ATP6V1E2: variants seen among roughly 807,000 people sequenced by gnomAD.
ATP6V1E2 encodes ATPase H+ transporting V1 subunit E2, also known as V-type proton ATPase subunit E 2.
For synonymous variants in ATP6V1E2, 121 were observed against 104.2 expected, an observed-to-expected ratio of 1.16 and a Z score of -0.98; for missense variants, 308 against 273.3, an observed-to-expected ratio of 1.13 and a Z score of -0.90.
chr2:46,538,562 G>A (rs990478750), intron 2 of ATP6V1E2, among the ~76,000 whole-genome samples: 8 of 152,014 alleles, frequency 5.3e-5, no homozygotes, highest in South Asian at 2.1e-4. Context: ...ACAGGATCTC[G>A]GGGGTGATGC....
chr2:46,527,686 GTTTT>G (rs1302084635), intron 4 of ATP6V1E2, among the ~76,000 whole-genome samples: 5 of 151,930 alleles, frequency 3.3e-5, no homozygotes, highest in Non-Finnish European at 7.4e-5. Flanking sequence ...TGTTGTTGTT[GTTTT>G]TTGTTTTTAA....
At chr2:46,523,305 T>C (rs72875672) in intron 4 of ATP6V1E2, among the ~76,000 whole-genome samples, 10,751 of 152,274 alleles carry the variant, frequency 0.071, 1,079 homozygotes, top group African/African-American at 0.22. Flanking sequence ...CATGAAGTCT[T>C]TGCCCATTCC....
chr2:46,540,525 G>A, intron 2 of ATP6V1E2, among the ~76,000 whole-genome samples: 1 of 150,356 alleles, frequency 6.7e-6, no homozygotes, highest in Non-Finnish European at 1.5e-5. Context: ...CAAATAAAAG[G>A]AGAGAAGCAA....
intron 4 of ATP6V1E2, among the ~76,000 whole-genome samples, chr2:46,533,665 C>T (rs1667300829): frequency 6.6e-6 from 1 of 152,156 alleles, no homozygotes; most frequent in African/African-American, 2.4e-5. Context: ...CTCTTCATTT[C>T]TTTGTGTAGG....
chr2:46,533,739 T>C (rs1299827926), intron 4 of ATP6V1E2, among the ~76,000 whole-genome samples: 1 of 152,230 alleles, frequency 6.6e-6, no homozygotes, highest in Non-Finnish European at 1.5e-5. Flanking sequence ...ATTTCTTGTA[T>C]TGAAGATCTT....
intron 4 of ATP6V1E2, among the ~76,000 whole-genome samples, chr2:46,525,771 GAAGAATT>G (rs1308444934): frequency 6.6e-6 from 1 of 152,138 alleles, no homozygotes; most frequent in Non-Finnish European, 1.5e-5. Flanking sequence ...TAATTTACAT[GAAGAATT>G]CACAACTGAA....
intron 4 of ATP6V1E2, among the ~76,000 whole-genome samples, chr2:46,531,533 G>A (rs1048272382): frequency 1.3e-5 from 2 of 152,092 alleles, no homozygotes; most frequent in Non-Finnish European, 2.9e-5. Flanking sequence ...CAATTCTTTT[G>A]GATATATACC....
intron 4 of ATP6V1E2, among the ~76,000 whole-genome samples, chr2:46,526,261 G>A (rs1304308232): frequency 4.6e-5 from 7 of 152,056 alleles, no homozygotes; most frequent in Admixed American, 6.6e-5. Context: ...GACTACAGGC[G>A]TGCATCACCA....
Position 46,512,649 on chromosome 2 carries a change from C to G in ATP6V1E2, c.63G>C (p.Gln21His), listed in dbSNP as rs1319110257. The G allele has an allele frequency of 6.2e-7, 1 of 1,614,186 alleles. No individual in the cohort carries two copies. Among genetic ancestry groups the G allele is most frequent in the Non-Finnish European group, 8.5e-7 (1 of 1,180,042 alleles). Residue 21 changes from glutamine to histidine, a missense_variant, in exon 5 of 5, where the codon CAG becomes CAC. Physicochemically the swap from Gln to His is conservative, Grantham distance 24 (BLOSUM62 0). Coordinates refer to ENST00000522587, the MANE Select transcript of ATP6V1E2 (RefSeq NM_001318063.2). ...QIKHMMAFIEQEANEKAEEID... is the reference protein window; with the variant it reads ...QIKHMMAFIEHEANEKAEEID... Reference sequence around the variant, plus strand: ...TTTCCTCTGCTTTCTCATTGGCTTCCTGCTCAATGAAAGCCATCATGTGCT... The same window carrying G: ...TTTCCTCTGCTTTCTCATTGGCTTCGTGCTCAATGAAAGCCATCATGTGCT...
Position 46,540,613 on chromosome 2 carries a change from C to CTTTTT in ATP6V1E2, c.-310+772_-310+776dup, listed in dbSNP as rs59810518. 6.9e-4 allele frequency among the ~76,000 whole-genome samples: 80 copies of CTTTTT among 115,644 alleles called. 1 individual carries two copies. The South Asian group carries it at 0.016, about 24-fold the overall frequency. 75.9% of individuals were successfully genotyped at this position (115,644 alleles called of 152,430 possible). On this transcript the variant is annotated intron_variant, in intron 2 of 4. Coordinates refer to ENST00000522587, the MANE Select transcript of ATP6V1E2 (RefSeq NM_001318063.2). Reference sequence around the variant, plus strand: ...TGAAATTTGAGAGCTTTTTCTGTAACTTTTTTTTTTTTTTTTTTTTTTTTT... The same window carrying CTTTTT: ...TGAAATTTGAGAGCTTTTTCTGTAACTTTTTTTTTTTTTTTTTTTTTTTTTTTTTT...
chr2:46,527,049 G>A lies in ATP6V1E2; in HGVS notation c.-102+8764C>T, dbSNP rs189837583. 3.5e-3 allele frequency among the ~76,000 whole-genome samples: 536 copies of A among 152,084 alleles called. 2 individuals carry two copies. The highest frequency in any genetic ancestry group is 4.6e-3 in the Non-Finnish European group (310 of 67,968). ...CTTTGCCAGTACTTGCTGTTTTCTG[G>A]TTTTGTTTTTGTTTTTTTTCTTTCT... On this transcript the variant is annotated intron_variant, in intron 4 of 4. Transcript: ENST00000522587.
intron 2 of ATP6V1E2, among the ~76,000 whole-genome samples, chr2:46,539,314 G>T (rs567189043): frequency 3.7e-4 from 57 of 152,220 alleles, no homozygotes; most frequent in Non-Finnish European, 5.9e-4. Flanking sequence ...CTCGCTCCCA[G>T]AACCACTGCT....
intron 4 of ATP6V1E2, among the ~76,000 whole-genome samples, chr2:46,528,747 T>C (rs1378439713): frequency 2.0e-5 from 3 of 152,256 alleles, no homozygotes; most frequent in Admixed American, 2.0e-4. Context: ...TCAATTCACC[T>C]AGAGACACAA....
rs752416922 is a variant in ATP6V1E2, at chr2:46,512,703, C to T, written c.9G>A (p.Leu3=). 5.0e-6 allele frequency: 8 copies of T among 1,611,348 alleles called. No homozygotes were observed. The East Asian group carries it at 1.8e-4, about 36-fold the overall frequency. The part of the protein sequence containing the change: MA[L]SDVDVKKQIK... ...TCTGCTTTTTCACATCGACATCACT[C>T]AGGGCCATGGCTGCTCTCAGAGGGG... Residue 3 remains leucine (L), a synonymous_variant, in exon 5 of 5, where the codon CTG becomes CTA. Coordinates refer to ENST00000522587, the MANE Select transcript of ATP6V1E2 (RefSeq NM_001318063.2).
At chr2:46,527,475 C>T (rs998946196) in intron 4 of ATP6V1E2, among the ~76,000 whole-genome samples, 5 of 152,304 alleles carry the variant, frequency 3.3e-5, no homozygotes, top group African/African-American at 1.2e-4. Context: ...CCCACCTTGG[C>T]CTCCCAAAGT....
intron 4 of ATP6V1E2, among the ~76,000 whole-genome samples, chr2:46,525,983 T>C (rs542877667): frequency 1.3e-5 from 2 of 152,230 alleles, no homozygotes; most frequent in Non-Finnish European, 2.9e-5. Context: ...AAATGTGGAC[T>C]AGGATGTCAT....
intron 4 of ATP6V1E2, among the ~76,000 whole-genome samples, chr2:46,528,898 T>C (rs995697693): frequency 9.9e-5 from 15 of 152,160 alleles, no homozygotes; most frequent in African/African-American, 3.6e-4. Flanking sequence ...ACAAAGCCCA[T>C]GGGTTTGTCT....
intron 4 of ATP6V1E2, among the ~76,000 whole-genome samples, chr2:46,523,064 C>A (rs1666720947): frequency 6.6e-6 from 1 of 151,828 alleles, no homozygotes. Flanking sequence ...CTGTTCATAT[C>A]CTTTGCCCAC....
intron 4 of ATP6V1E2, among the ~76,000 whole-genome samples, chr2:46,518,277 T>C (rs1364058267): frequency 6.6e-6 from 1 of 152,086 alleles, no homozygotes; most frequent in South Asian, 2.1e-4. Context: ...ATTCCACTTA[T>C]GGGATATCTA....
Sources: gnomAD v4.1 joint callset for allele counts (sites outside exome capture counted in the v4.1 genomes callset) on GRCh38, gnomAD v4.1.1 for gene constraint, MANE v1.5 for transcripts, NCBI Gene and HGNC (gene_info 2026-07-23, HGNC 2026-07-21) for gene names.